RAP1GAP2: variants seen among roughly 807,000 people sequenced by gnomAD.
The protein encoded by RAP1GAP2 is rap1 GTPase-activating protein 2.
Under a neutral mutation model 95.0 loss-of-function variants are expected in RAP1GAP2, and 27 were observed. That is an observed-to-expected ratio of 0.28 (90% CI 0.21 to 0.39). The LOEUF is 0.39. RAP1GAP2 is among the 10% of genes least tolerant of loss of function. RAP1GAP2 has a pLI of 1.00. For synonymous variants in RAP1GAP2, 373 were observed against 380.9 expected (o/e 0.98, Z 0.24); for missense variants, 771 against 970.0 (o/e 0.79, Z 2.72).
intron 8 of RAP1GAP2, among the ~76,000 whole-genome samples, chr17:2,969,267 T>G (rs182263056): frequency 1.3e-5 from 2 of 151,930 alleles, no homozygotes; most frequent in East Asian, 3.9e-4. Flanking sequence ...CTTTGGAATA[T>G]TTACACAAAT....
chr17:3,006,891 G>A (rs1258844942), intron 16 of RAP1GAP2, among the ~76,000 whole-genome samples: 1 of 152,180 alleles, frequency 6.6e-6, no homozygotes, highest in Non-Finnish European at 1.5e-5. Flanking sequence ...AGTACAGTGT[G>A]CCAGCACTAG....
At position 2,863,943 on chromosome 17, in the gene RAP1GAP2, T is replaced by G. The variant is rs190641445; in HGVS notation, c.81-41341T>G. On this transcript the variant is annotated intron_variant, in intron 2 of 24. Transcript: ENST00000254695. ...GGTGGGTGCCTGTAATCCCAGCTAC[T>G]CAGGAAGCTGAGACAGGAGAATCGC... Among the ~76,000 whole-genome samples, 670 of 151,802 alleles carry G rather than the reference T, an allele frequency of 4.4e-3. 11 individuals are homozygous for G. The highest frequency in any genetic ancestry group is 3.2e-3 in the Non-Finnish European group (215 of 67,942).
chr17:2,806,397 A>ATTATTATTATTATTATTATTG (rs1555545390), intron 2 of RAP1GAP2, among the ~76,000 whole-genome samples: 2 of 148,238 alleles, frequency 1.3e-5, no homozygotes, highest in African/African-American at 4.9e-5. Flanking sequence ...TATTATTATT[A>ATTATTATTATTATTATTATTG]TTATTATTAT....
At chr17:2,813,791 C>T (rs963652293) in intron 2 of RAP1GAP2, among the ~76,000 whole-genome samples, 42 of 152,136 alleles carry the variant, frequency 2.8e-4, no homozygotes, top group Admixed American at 1.2e-3. Context: ...GAAACCCTGT[C>T]TCTACTAAAA....
intron 8 of RAP1GAP2, among the ~76,000 whole-genome samples, chr17:2,967,862 C>A (rs1036194150): frequency 1.3e-5 from 2 of 152,160 alleles, no homozygotes; most frequent in Admixed American, 6.5e-5. Flanking sequence ...AAATTTATAA[C>A]AAGCAGCTCT....
intron 2 of RAP1GAP2, among the ~76,000 whole-genome samples, chr17:2,813,153 C>T (rs1450529039): frequency 1.1e-4 from 16 of 151,162 alleles, no homozygotes; most frequent in Admixed American, 1.1e-3. Flanking sequence ...CTCACTGCAA[C>T]CTCCGCCTCC....
chr17:2,980,477 G>A, intron 9 of RAP1GAP2, 112 bp downstream of exon 9: 4 of 1,066,486 alleles, frequency 3.8e-6, no homozygotes, highest in Non-Finnish European at 5.7e-6. Context: ...AGAAGGGGAG[G>A]CCACTTTACT....
chr17:2,835,475 C>T (rs2071089411), intron 2 of RAP1GAP2, among the ~76,000 whole-genome samples: 1 of 152,228 alleles, frequency 6.6e-6, no homozygotes, highest in Non-Finnish European at 1.5e-5. Flanking sequence ...CCTGCCTCAG[C>T]CTCCCACAGT....
intron 11 of RAP1GAP2, among the ~76,000 whole-genome samples, chr17:2,986,990 G>C (rs987966880): frequency 6.6e-6 from 1 of 152,210 alleles, no homozygotes; most frequent in African/African-American, 2.4e-5. Context: ...AAACTTTTTT[G>C]GGTAAAGGGC....
At chr17:2,810,522 C>CCTTTTT (rs1567668799) in intron 2 of RAP1GAP2, among the ~76,000 whole-genome samples, 1 of 69,432 alleles carries the variant, frequency 1.4e-5, no homozygotes, top group African/African-American at 5.8e-5. Context: ...TCCCCCCACC[C>CCTTTTT]TTTTTTTTTT....
chr17:2,800,595 A>C, intron 2 of RAP1GAP2, 45 bp downstream of exon 2: 1 of 1,595,070 alleles, frequency 6.3e-7, no homozygotes, highest in Non-Finnish European at 8.5e-7. Flanking sequence ...GATGACGCGG[A>C]TCAGAGCGCC....
chr17:2,861,653 G>C (rs898642044), intron 2 of RAP1GAP2, among the ~76,000 whole-genome samples: 17 of 150,532 alleles, frequency 1.1e-4, no homozygotes, highest in South Asian at 2.1e-4. Context: ...TTTTTTTTGG[G>C]GGGGGGGACG....
At chr17:2,854,528 C>G (rs2072045855) in intron 2 of RAP1GAP2, among the ~76,000 whole-genome samples, 1 of 152,242 alleles carries the variant, frequency 6.6e-6, no homozygotes, top group African/African-American at 2.4e-5. Flanking sequence ...GCTTGCTCTG[C>G]GCTCGGTGCC....
At chr17:2,792,862 CCGGCTCTGGGAA>C (rs1262508751), upstream of RAP1GAP2, among the ~76,000 whole-genome samples, 1 of 152,224 alleles carries the variant, frequency 6.6e-6, no homozygotes, top group Admixed American at 6.5e-5. Flanking sequence ...GGAGTCTGTC[CCGGCTCTGGGAA>C]CACTTGGTCC....
At chr17:2,878,720 GC>G (rs1052526593) in intron 2 of RAP1GAP2, among the ~76,000 whole-genome samples, 3 of 152,220 alleles carry the variant, frequency 2.0e-5, no homozygotes, top group Non-Finnish European at 4.4e-5. Context: ...CTGGCTCTCT[GC>G]TTCTGATGCA....
In RAP1GAP2 at chr17:2,999,982, C is replaced by CT. The variant is rs552023057; in HGVS notation, c.1200+1607dup. Among the ~76,000 whole-genome samples the CT allele has an allele frequency of 6.6e-5, 10 of 152,290 alleles. No individual in the cohort carries two copies. The East Asian group carries it at 1.7e-3, about 27-fold the overall frequency. ...TTTCTTTTTGAGACAGAGTCTTGCT[C>CT]TGTTGCCCAGGCTGGAGTGCAGTGG... On this transcript the variant is annotated intron_variant, in intron 14 of 24. Transcript: ENST00000254695.
At chr17:2,936,739 T>C (rs2043321906) in intron 3 of RAP1GAP2, among the ~76,000 whole-genome samples, 1 of 152,174 alleles carries the variant, frequency 6.6e-6, no homozygotes, top group Non-Finnish European at 1.5e-5. Flanking sequence ...TCTGTGGCTT[T>C]ATCTCCAAAA....
In RAP1GAP2 at chr17:3,036,344, A is replaced by T. The variant is rs2047465624; in HGVS notation, c.*2983A>T. 1 of 152,224 alleles carries T rather than the reference A, an allele frequency of 6.6e-6. No homozygotes were observed. The highest frequency in any genetic ancestry group is 2.4e-5 in the African/African-American group (1 of 41,454). The allele number at this position is 152,224 out of a possible 1,614,324, so 9.4% of individuals were successfully genotyped here. A position where few individuals can be genotyped will look rare whatever the true frequency, so the allele number is the denominator to read the frequency against. On this transcript the variant is annotated 3_prime_UTR_variant, in exon 25 of 25. Coordinates refer to ENST00000254695, the MANE Select transcript of RAP1GAP2 (RefSeq NM_015085.5). ...TGGCAAAGCTGGGATTAGAACCCTC[A>T]ACCCAGGGTCCCTTCCTCTGCAGCG...
In RAP1GAP2 at chr17:2,879,269, C is replaced by T. The variant is rs563452828; in HGVS notation, c.81-26015C>T. On this transcript the variant is annotated intron_variant, in intron 2 of 24. Coordinates refer to ENST00000254695, the MANE Select transcript of RAP1GAP2 (RefSeq NM_015085.5). ...TATCTAGTTTTACAGGCACCCGCCA[C>T]CATAACTGGCTAATTTTTGTAAACT... is the stretch of plus-strand genomic sequence containing the variant. Among the ~76,000 whole-genome samples, 5 of 152,206 alleles carry T rather than the reference C, an allele frequency of 3.3e-5. No homozygotes were observed. In the South Asian group the frequency reaches 8.3e-4, roughly 25 times the overall value.
Sources: allele counts gnomAD v4.1 joint callset (sites outside exome capture counted in the v4.1 genomes callset), GRCh38; gene constraint gnomAD v4.1.1; transcripts MANE v1.5; gene names NCBI Gene and HGNC (gene_info 2026-07-23, HGNC 2026-07-21).